The following LRP2BP variants were observed in gnomAD, a reference collection of about 807,000 sequenced individuals.
LRP2BP encodes the protein LRP2-binding protein.
A neutral mutation model predicts 45.2 loss-of-function variants in LRP2BP; 38 were observed. That is an observed-to-expected ratio of 0.84 (90% confidence interval 0.65 to 1.10). The LOEUF is 1.10. Among genes scored for constraint, LRP2BP ranks in the 50% least tolerant of loss-of-function variants. The pLI is 0.00. For synonymous variants in LRP2BP, 153 were observed against 153.9 expected (o/e 0.99, Z 0.04); for missense variants, 385 against 418.9 (o/e 0.92, Z 0.71).
chr4:185,385,908 G>GC lies in LRP2BP; in HGVS notation c.-21-7702_-21-7701insG, dbSNP rs1471503625. Among the ~76,000 whole-genome samples, 16 of 72,518 alleles carry GC rather than the reference G, an allele frequency of 2.2e-4. 1 individual carries two copies. Among genetic ancestry groups the GC allele is most frequent in the South Asian group, 5.6e-4 (1 of 1,790 alleles). 47.6% of individuals were successfully genotyped at this position (72,518 alleles called of 152,430 possible). The stretch of plus-strand genomic sequence containing the variant: ...AGAGCAAGACTCTGTCTCGGGGAGG[G>GC]GGGGGGGGAGATAAAGAAATAACAT... On this transcript the variant is annotated intron_variant, in intron 1 of 8. Coordinates refer to ENST00000505916, the MANE Select transcript of LRP2BP (RefSeq NM_001377440.1).
chr4:185,385,234 C>A (rs892263888), intron 1 of LRP2BP, among the ~76,000 whole-genome samples: 5 of 152,050 alleles, frequency 3.3e-5, no homozygotes, highest in Admixed American at 6.5e-5. Context: ...AATGGGGAAA[C>A]CTTGTTGGCA....
At chr4:185,379,822 CT>C (rs1561086878) in intron 1 of LRP2BP, among the ~76,000 whole-genome samples, 53 of 152,144 alleles carry the variant, frequency 3.5e-4, no homozygotes, top group African/African-American at 1.2e-3. Flanking sequence ...TTCTCTCTCT[CT>C]CTCTCTCTCT....
intron 3 of LRP2BP, 118 bp downstream of exon 3, chr4:185,376,791 A>G: frequency 1.5e-6 from 1 of 675,896 alleles, no homozygotes; most frequent in South Asian, 1.8e-5. Context: ...GCCATAGTCG[A>G]TGTAATTGGA....
intron 1 of LRP2BP, 24 bp downstream of exon 1, chr4:185,394,755 T>G (rs1043558792): frequency 1.0e-6 from 1 of 985,192 alleles, no homozygotes; most frequent in African/African-American, 1.7e-5. Context: ...AGCCCACACA[T>G]CTCTCATCTA....
chr4:185,385,203 A>C (rs1323217013), intron 1 of LRP2BP, among the ~76,000 whole-genome samples: 2 of 152,130 alleles, frequency 1.3e-5, no homozygotes, highest in Non-Finnish European at 2.9e-5. Flanking sequence ...GTGGGCCCAC[A>C]CGTCTATTTG....
intron 1 of LRP2BP, among the ~76,000 whole-genome samples, chr4:185,384,398 A>G (rs374932112): frequency 1.2e-4 from 19 of 152,040 alleles, no homozygotes; most frequent in African/African-American, 4.6e-4. Context: ...CTAAAACACC[A>G]CCCTAGACTA....
At chr4:185,368,245 G>C (rs1208573858) in intron 8 of LRP2BP, among the ~76,000 whole-genome samples, 2 of 152,194 alleles carry the variant, frequency 1.3e-5, no homozygotes, top group Non-Finnish European at 2.9e-5. Context: ...ATCCTCGAAG[G>C]GTCCTAACAG....
chr4:185,387,657 G>A (rs113221422), intron 1 of LRP2BP, among the ~76,000 whole-genome samples: 2 of 152,274 alleles, frequency 1.3e-5, no homozygotes, highest in South Asian at 2.1e-4. Flanking sequence ...ATAATATTGT[G>A]GTGAGGTTAC....
At position 185,377,009 on chromosome 4, in the gene LRP2BP, TG is replaced by T; in HGVS notation, c.115del (p.His39MetfsTer12). 6.2e-7 allele frequency: 1 copy of T among 1,609,882 alleles called. No individual in the cohort carries two copies. Among genetic ancestry groups the T allele is most frequent in the Non-Finnish European group, 8.5e-7 (1 of 1,176,074 alleles). ...QWKKEKTDYT[H>X]ANLVDKALQL... is the part of the protein sequence containing the mutation. The stretch of plus-strand genomic sequence containing the variant: ...CAATGCCTTATCCACCAAATTAGCA[TG>T]GGTGTAATCTGATTTTAAAAAGGTA... On this transcript the variant is annotated frameshift_variant, in exon 3 of 9. Transcript: ENST00000505916. LOFTEE classifies it high-confidence loss of function.
Position 185,372,892 on chromosome 4 carries a change from AT to A in LRP2BP, c.766del (p.Met256Ter). The A allele has an allele frequency of 6.2e-7, 1 of 1,609,994 alleles. No individual in the cohort carries two copies. Reference protein sequence around the residue: ...QGNLVEYYYKMKFFTKCVAFS... With the variant: ...QGNLVEYYYKXKFFTKCVAFS... ...TGCAACACACTTTGTAAAAAATTTC[AT>A]CTTATAGTAATACTCCACGAGATTC... is the stretch of plus-strand genomic sequence containing the variant. On this transcript the variant is annotated frameshift_variant, in exon 7 of 9. Coordinates refer to ENST00000505916, the MANE Select transcript of LRP2BP (RefSeq NM_001377440.1). LOFTEE classifies it high-confidence loss of function.
chr4:185,397,140 C>G, upstream of LRP2BP: 1 of 1,613,128 alleles, frequency 6.2e-7, no homozygotes, highest in Non-Finnish European at 8.5e-7. Context: ...GATCTGTTCT[C>G]TTCCTGCAGG....
chr4:185,370,582 C>T (rs2126784526), intron 8 of LRP2BP, 58 bp downstream of exon 8: 1 of 1,552,942 alleles, frequency 6.4e-7, no homozygotes, highest in Non-Finnish European at 8.8e-7. Context: ...ATTCAAGTTG[C>T]AGCTAAAAGC....
At chr4:185,383,024 A>G (rs988061716) in intron 1 of LRP2BP, among the ~76,000 whole-genome samples, 1 of 152,196 alleles carries the variant, frequency 6.6e-6, no homozygotes, top group Admixed American at 6.5e-5. Flanking sequence ...GTTCTTTTGC[A>G]TGTGGATATC....
chr4:185,376,443 C>CTTTTTTTATT (rs2095437897), intron 3 of LRP2BP, among the ~76,000 whole-genome samples: 1 of 105,824 alleles, frequency 9.4e-6, no homozygotes, highest in Non-Finnish European at 1.8e-5. Flanking sequence ...TGCCCAGCTA[C>CTTTTTTTATT]TTTTTTTTTT....
At chr4:185,390,022 GTTTC>G (rs752553975) in intron 1 of LRP2BP, among the ~76,000 whole-genome samples, 56 of 152,136 alleles carry the variant, frequency 3.7e-4, no homozygotes, top group Non-Finnish European at 6.8e-4. Flanking sequence ...TCCAGATTAG[GTTTC>G]TTTAAAATGG....
chr4:185,376,066 G>A (rs763223883), intron 3 of LRP2BP, among the ~76,000 whole-genome samples: 10 of 152,038 alleles, frequency 6.6e-5, no homozygotes, highest in African/African-American at 9.7e-5. Flanking sequence ...AAGTCTTCCC[G>A]GGGAAGTCAA....
chr4:185,370,578 G>A, intron 8 of LRP2BP, 62 bp downstream of exon 8: 1 of 1,541,676 alleles, frequency 6.5e-7, no homozygotes, highest in Non-Finnish European at 8.9e-7. Context: ...AACTATTCAA[G>A]TTGCAGCTAA....
In LRP2BP at chr4:185,395,420, T is replaced by C. The variant is rs966374510; in HGVS notation, c.-663A>G. 1.1e-5 allele frequency: 11 copies of C among 985,332 alleles called. No homozygotes were observed. The African/African-American group carries it at 1.9e-4, about 17-fold the overall frequency. 61.0% of individuals were successfully genotyped at this position (985,332 alleles called of 1,614,324 possible). Reference sequence around the variant, plus strand: ...TGCAAACCTGAAGCTTCAACACGTGTTTTAAAAAGCAGTGCTTATTGAATT... The same window carrying C: ...TGCAAACCTGAAGCTTCAACACGTGCTTTAAAAAGCAGTGCTTATTGAATT... On this transcript the variant is annotated 5_prime_UTR_variant, in exon 1 of 9. Transcript: ENST00000505916.
chr4:185,395,287 C>CCA lies in LRP2BP; in HGVS notation c.-532_-531dup. On this transcript the variant is annotated 5_prime_UTR_variant, in exon 1 of 9. Coordinates refer to ENST00000505916, the MANE Select transcript of LRP2BP (RefSeq NM_001377440.1). The stretch of plus-strand genomic sequence containing the variant: ...GATATGAAATATGGAGGCACTTTCA[C>CCA]CACACAAATATCCCACTACATATGC... 1.0e-6 allele frequency: 1 copy of CCA among 985,448 alleles called. No homozygotes were observed. The highest frequency in any genetic ancestry group is 1.2e-6 in the Non-Finnish European group (1 of 829,930). 61.0% of individuals were successfully genotyped at this position (985,448 alleles called of 1,614,324 possible). A position where few individuals can be genotyped will look rare whatever the true frequency, so the allele number is the denominator to read the frequency against.
Sources: gnomAD v4.1 joint callset for allele counts (sites outside exome capture counted in the v4.1 genomes callset) on GRCh38, gnomAD v4.1.1 for gene constraint, MANE v1.5 for transcripts, NCBI Gene and HGNC (gene_info 2026-07-23, HGNC 2026-07-21) for gene names.